The following TERF2IP variants were observed in gnomAD, a reference collection of about 807,000 sequenced individuals.
TERF2IP encodes the protein TERF2 interacting protein.
TERF2IP carries 35 observed loss-of-function variants against 33.3 expected under a neutral mutation model. The ratio of observed to expected loss-of-function variants is 1.05; its 90% CI spans 0.80 to 1.39. The LOEUF (loss-of-function observed/expected upper bound fraction) is 1.39. Ranked by LOEUF, TERF2IP falls within the 40% of genes most tolerant of loss-of-function variation. The probability of loss-of-function intolerance (pLI) is 0.00; values close to 1 mark genes in which losing one functional copy is unlikely to be tolerated. For missense variants in TERF2IP, 583 were observed against 524.8 expected, an observed-to-expected ratio of 1.11 and a Z score of -1.08; for synonymous variants, 253 against 223.2, an observed-to-expected ratio of 1.13 and a Z score of -1.19.
At chr16:75,648,727 A>T (rs1313179077) in intron 1 of TERF2IP, 175 bp downstream of exon 1, 1 of 1,423,088 alleles carries the variant, frequency 7.0e-7, no homozygotes, top group Admixed American at 2.9e-5. Flanking sequence ...CTTGTTGTTT[A>T]TTATTGTTCT....
chr16:75,648,730 ATTG>A (rs1438160923), intron 1 of TERF2IP, 178 bp downstream of exon 1: 4 of 1,422,214 alleles, frequency 2.8e-6, no homozygotes, highest in Admixed American at 2.9e-5. Context: ...GTTGTTTATT[ATTG>A]TTCTTTTTTT....
chr16:75,653,932 AG>A (rs1347009473), intron 1 of TERF2IP, among the ~76,000 whole-genome samples: 3 of 152,192 alleles, frequency 2.0e-5, no homozygotes, highest in African/African-American at 7.2e-5. Flanking sequence ...TTGCTTCCCA[AG>A]GAACCCAATT....
chr16:75,649,063 C>T (rs1356258027), intron 1 of TERF2IP, among the ~76,000 whole-genome samples: 1 of 149,924 alleles, frequency 6.7e-6, no homozygotes, highest in Non-Finnish European at 1.5e-5. Context: ...ATGGGGGTCT[C>T]GTTGTGTTGC....
intron 1 of TERF2IP, among the ~76,000 whole-genome samples, chr16:75,651,248 A>G (rs952041546): frequency 1.3e-5 from 2 of 152,184 alleles, no homozygotes; most frequent in Non-Finnish European, 2.9e-5. Context: ...TTTAATGTCT[A>G]AAGAGCTCTT....
intron 2 of TERF2IP, among the ~76,000 whole-genome samples, chr16:75,655,182 A>C (rs1333504508): frequency 6.6e-6 from 1 of 152,204 alleles, no homozygotes; most frequent in South Asian, 2.1e-4. Flanking sequence ...ATGCCCAGCT[A>C]CTTATAGTAA....
At position 75,654,447 on chromosome 16, in the gene TERF2IP, T is replaced by C. The variant is rs538605001; in HGVS notation, c.795+50T>C. The C allele has an allele frequency of 5.4e-5, 86 of 1,587,292 alleles. No individual in the cohort carries two copies. The South Asian group carries it at 9.0e-4, about 17-fold the overall frequency. On this transcript the variant is annotated intron_variant, in intron 2 of 2. Coordinates refer to ENST00000300086, the MANE Select transcript of TERF2IP (RefSeq NM_018975.4). ...ATTTTTTTCCCTACCTTCATTCTTC[T>C]TTGAAACTGGTTATCCTGTACACCT...
In TERF2IP at chr16:75,648,334, A is replaced by C; in HGVS notation, c.452A>C (p.Asn151Thr). ...DVAILTYVKE[N>T]ARSPSSVTGN... ...GCCATCCTTACCTACGTGAAGGAAA[A>C]TGCCCGCTCGCCCAGCTCCGTCACC... Residue 151 changes from asparagine (N) to threonine (T), a missense_variant, in exon 1 of 3, where the codon AAT becomes ACT. Physicochemically the swap from Asn to Thr is moderately conservative, Grantham distance 65. Transcript: ENST00000300086. The C allele has an allele frequency of 6.3e-7, 1 of 1,578,928 alleles. No individual in the cohort carries two copies. The highest frequency in any genetic ancestry group is 8.6e-7 in the Non-Finnish European group (1 of 1,162,472).
intron 2 of TERF2IP, 126 bp downstream of exon 2, chr16:75,654,523 A>G: frequency 1.9e-6 from 2 of 1,044,824 alleles, no homozygotes; most frequent in South Asian, 3.7e-5. Flanking sequence ...CAAGATGGAA[A>G]GGGAAAATGG....
At chr16:75,655,776 AAACATAC>A (rs1298356088) in intron 2 of TERF2IP, among the ~76,000 whole-genome samples, 1 of 152,230 alleles carries the variant, frequency 6.6e-6, no homozygotes, top group Non-Finnish European at 1.5e-5. Context: ...GTGATGAACA[AAACATAC>A]AATTCCTGCC....
At chr16:75,648,657 T>G in intron 1 of TERF2IP, 105 bp downstream of exon 1, 2 of 1,438,146 alleles carry the variant, frequency 1.4e-6, no homozygotes, top group Non-Finnish European at 1.8e-6. Context: ...TAGCAGCGCT[T>G]GGCCCCGCCC....
At chr16:75,656,019 G>A (rs527568384) in intron 2 of TERF2IP, among the ~76,000 whole-genome samples, 188 bp from the exon 3 acceptor site, 4 of 151,986 alleles carry the variant, frequency 2.6e-5, no homozygotes, top group East Asian at 1.9e-4. Context: ...ACACACACGC[G>A]TGTACATATA....
Position 75,648,368 on chromosome 16 carries a change from C to T in TERF2IP, c.486C>T (p.Ala162=). The T allele has an allele frequency of 6.2e-7, 1 of 1,604,092 alleles. No individual in the cohort carries two copies. Among genetic ancestry groups the T allele is most frequent in the Non-Finnish European group, 8.5e-7 (1 of 1,175,826 alleles). The change falls in exon 1 of 3, where the codon GCC becomes GCT. Residue 162 remains alanine (A), a synonymous_variant. Transcript: ENST00000300086. ...CGCCCAGCTCCGTCACCGGTAACGC[C>T]TTGTGGAAAGCGATGGAGAAGAGCT... The part of the protein sequence containing the change: ...ARSPSSVTGN[A]LWKAMEKSSL...
In TERF2IP at chr16:75,647,892, G is replaced by A. The variant is rs2082311608; in HGVS notation, c.10G>A (p.Ala4Thr). Residue 4 changes from alanine (A) to threonine (T), a missense_variant, in exon 1 of 3, where the codon GCG (alanine) becomes ACG (threonine). Transcript: ENST00000300086. MAE[A>T]MDLGKDPNGP... is the part of the protein sequence containing the mutation. Reference sequence around the variant, plus strand: ...GTGCTCGGCGTCAGACATGGCGGAGGCGATGGATTTGGGCAAAGACCCCAA... The same window carrying A: ...GTGCTCGGCGTCAGACATGGCGGAGACGATGGATTTGGGCAAAGACCCCAA... The A allele has an allele frequency of 6.2e-7, 1 of 1,605,296 alleles. No homozygotes were observed. The highest frequency in any genetic ancestry group is 1.7e-5 in the Admixed American group (1 of 59,414).
At chr16:75,654,458 T>C in intron 2 of TERF2IP, 61 bp downstream of exon 2, 1 of 1,561,296 alleles carries the variant, frequency 6.4e-7, no homozygotes, top group African/African-American at 1.4e-5. Context: ...TTGAAACTGG[T>C]TATCCTGTAC....
chr16:75,654,222 G>A (rs1172505892), intron 1 of TERF2IP, 51 bp from the exon 2 acceptor site: 1 of 1,459,222 alleles, frequency 6.9e-7, no homozygotes, highest in Non-Finnish European at 9.2e-7. Flanking sequence ...TATATTTTTG[G>A]TTTATGTAAA....
At position 75,657,390 on chromosome 16, in the gene TERF2IP, G is replaced by A. The variant is rs1246570599; in HGVS notation, c.*779G>A. Reference sequence around the variant, plus strand: ...ATTAGTGGATTGACTCCACTTTGTTGTGTTGTTTTCATTGTTGAAAATAAA... The same window carrying A: ...ATTAGTGGATTGACTCCACTTTGTTATGTTGTTTTCATTGTTGAAAATAAA... On this transcript the variant is annotated 3_prime_UTR_variant, in exon 3 of 3. Coordinates refer to ENST00000300086, the MANE Select transcript of TERF2IP (RefSeq NM_018975.4). The A allele has an allele frequency of 1.3e-5, 2 of 152,164 alleles. No individual in the cohort carries two copies. The highest frequency in any genetic ancestry group is 2.9e-5 in the Non-Finnish European group (2 of 68,026). 9.4% of individuals were successfully genotyped at this position (152,164 alleles called of 1,614,324 possible).
At chr16:75,656,117 G>C (rs2082383577) in intron 2 of TERF2IP, 90 bp from the exon 3 acceptor site, 16 of 1,299,448 alleles carry the variant, frequency 1.2e-5, no homozygotes, top group Non-Finnish European at 1.7e-5. Context: ...GAATGCAGAG[G>C]GCAAGGGGGT....
intron 2 of TERF2IP, among the ~76,000 whole-genome samples, chr16:75,655,944 TATACACAC>T (rs1312603487): frequency 6.6e-6 from 1 of 152,108 alleles, no homozygotes; most frequent in Non-Finnish European, 1.5e-5. Flanking sequence ...TATAGTCAAT[TATACACAC>T]ATATACACAT....
chr16:75,650,176 G>A (rs1048013980), intron 1 of TERF2IP, among the ~76,000 whole-genome samples: 1 of 152,232 alleles, frequency 6.6e-6, no homozygotes, highest in East Asian at 1.9e-4. Context: ...TAACATGCTA[G>A]CTGGGGAGTG....
Sources: gnomAD v4.1 joint callset for allele counts (sites outside exome capture counted in the v4.1 genomes callset) on GRCh38, gnomAD v4.1.1 for gene constraint, MANE v1.5 for transcripts, NCBI Gene and HGNC (gene_info 2026-07-23, HGNC 2026-07-21) for gene names.